The following THAP4 variants were observed in gnomAD, a reference collection of about 807,000 sequenced individuals.
THAP4 encodes peroxynitrite isomerase THAP4.
In THAP4, 18 loss-of-function variants were observed where a neutral mutation model predicts 48.1. The observed-to-expected ratio is 0.37, with a 90% CI of 0.26 to 0.56. THAP4 has a LOEUF of 0.56. Ranked by LOEUF, THAP4 falls within the 20% of genes least tolerant of loss-of-function variation. The pLI is 0.78. For missense variants in THAP4, 656 were observed against 774.9 expected, an observed-to-expected ratio of 0.85 and a Z score of 1.82; for synonymous variants, 345 against 324.9, an observed-to-expected ratio of 1.06 and a Z score of -0.66.
chr2:241,636,525 T>C (rs1475287276), intron 1 of THAP4, among the ~76,000 whole-genome samples: 2 of 152,064 alleles, frequency 1.3e-5, no homozygotes, highest in Non-Finnish European at 2.9e-5. Flanking sequence ...CGGAAAGCCC[T>C]CTCGGGGGCT....
chr2:241,592,228 G>C (rs2066990915), intron 5 of THAP4: 1 of 152,454 alleles, frequency 6.6e-6, no homozygotes, highest in Non-Finnish European at 1.5e-5. Flanking sequence ...AATGGGGCCT[G>C]GCCTGGACCT....
In THAP4 at chr2:241,610,429, C is replaced by T. The variant is rs762217693; in HGVS notation, c.1241-3956G>A. On this transcript the variant is annotated intron_variant, in intron 2 of 5. Transcript: ENST00000407315. The surrounding 1 kb of genome is among the most constrained non-coding windows in gnomAD (Gnocchi z 4.2). ...CAGAGGAGTCAGGGCGGAGGCTGGG[C>T]GGCGCTGGGCGGTGGGGCGCGCTCA... is the stretch of plus-strand genomic sequence containing the variant. 6.6e-5 allele frequency among the ~76,000 whole-genome samples: 10 copies of T among 152,184 alleles called. No individual in the cohort carries two copies. The highest frequency in any genetic ancestry group is 1.3e-4 in the Non-Finnish European group (9 of 68,020).
At chr2:241,602,153 G>A (rs1405352436) in intron 4 of THAP4, 154 bp from the exon 5 acceptor site, 1 of 704,480 alleles carries the variant, frequency 1.4e-6, no homozygotes, top group East Asian at 2.7e-5. Flanking sequence ...ACTTCACCCT[G>A]TGGATACGGA....
chr2:241,623,392 C>A (rs1188761938), intron 2 of THAP4, among the ~76,000 whole-genome samples: 1 of 151,964 alleles, frequency 6.6e-6, no homozygotes, highest in African/African-American at 2.4e-5. Flanking sequence ...CCAGCTTGGG[C>A]AACATGGCAA....
At chr2:241,595,772 G>A (rs62193003) in intron 5 of THAP4, among the ~76,000 whole-genome samples, 22,885 of 152,162 alleles carry the variant, frequency 0.15, 1,893 homozygotes, top group Middle Eastern at 0.27. Context: ...AGGCAACTGT[G>A]CCTCCCTCTA....
intron 2 of THAP4, among the ~76,000 whole-genome samples, chr2:241,613,274 CAAA>C (rs772453190): frequency 3.6e-5 from 3 of 83,168 alleles, no homozygotes; most frequent in Non-Finnish European, 5.1e-5. Flanking sequence ...TGTACTAAGC[CAAA>C]AAAAAAAAAA....
chr2:241,617,517 G>T, intron 2 of THAP4: 1 of 1,514,832 alleles, frequency 6.6e-7, no homozygotes, highest in South Asian at 1.2e-5. Context: ...GGCTCTGCAG[G>T]AAGTGAATGC....
At position 241,601,523 on chromosome 2, in the gene THAP4, T is replaced by C. The variant is rs1352508102; in HGVS notation, c.1614+373A>G. On this transcript the variant is annotated intron_variant, in intron 5 of 5. Coordinates refer to ENST00000407315, the MANE Select transcript of THAP4 (RefSeq NM_015963.6). This position sits in a 1 kb window ranked among gnomAD's most constrained non-coding sequence, Gnocchi z 4.0. ...GCAAGAGATAGTGGGAGGATAATCATGAAGAAATACAATCTAACAGTGTGT... is the reference window on the plus strand; with the variant it reads ...GCAAGAGATAGTGGGAGGATAATCACGAAGAAATACAATCTAACAGTGTGT... Among the ~76,000 whole-genome samples, 1 of 152,098 alleles carries C rather than the reference T, an allele frequency of 6.6e-6. No homozygotes were observed. Among genetic ancestry groups the C allele is most frequent in the Non-Finnish European group, 1.5e-5 (1 of 68,016 alleles).
At chr2:241,600,263 T>C (rs917611073) in intron 5 of THAP4, among the ~76,000 whole-genome samples, 1 of 152,204 alleles carries the variant, frequency 6.6e-6, no homozygotes, top group African/African-American at 2.4e-5. Flanking sequence ...AATGTATGTA[T>C]GACATTCCAA....
intron 2 of THAP4, among the ~76,000 whole-genome samples, chr2:241,608,765 T>C (rs972032946): frequency 3.9e-5 from 6 of 152,084 alleles, no homozygotes; most frequent in Non-Finnish European, 7.4e-5. Context: ...TGAATGTACA[T>C]TAGGAGATGA....
intron 2 of THAP4, among the ~76,000 whole-genome samples, chr2:241,611,010 A>T (rs1437162978): frequency 6.6e-6 from 1 of 152,232 alleles, no homozygotes; most frequent in Non-Finnish European, 1.5e-5. Flanking sequence ...GAATTAAAAA[A>T]AACAAAAATA....
intron 1 of THAP4, among the ~76,000 whole-genome samples, chr2:241,635,128 C>G (rs892660696): frequency 1.3e-5 from 2 of 152,122 alleles, no homozygotes; most frequent in East Asian, 3.8e-4. Flanking sequence ...ACTGAAAAAG[C>G]GGTAGGAAAG....
intron 5 of THAP4, among the ~76,000 whole-genome samples, chr2:241,589,353 G>A (rs1033085988): frequency 6.7e-6 from 1 of 149,212 alleles, no homozygotes; most frequent in African/African-American, 2.5e-5. Context: ...ACCTGATAAA[G>A]GACTTATACC....
chr2:241,637,324 T>C, upstream of THAP4: 1 of 1,248,166 alleles, frequency 8.0e-7, no homozygotes, highest in South Asian at 1.4e-5. Context: ...GCGGGGCAAG[T>C]CCGTACCGCG....
Position 241,635,269 on chromosome 2 carries a change from A to C in THAP4, c.78-1190T>G, listed in dbSNP as rs1335871529. On this transcript the variant is annotated intron_variant, in intron 1 of 5. Transcript: ENST00000407315. ...CATTGCACTCCAGCCTGGGTGACAG[A>C]GTGGGACTCTGTCTCCAAAAAAAGT... is the stretch of plus-strand genomic sequence containing the variant. Among the ~76,000 whole-genome samples the C allele has an allele frequency of 2.0e-5, 3 of 152,158 alleles. No individual in the cohort carries two copies. The East Asian group carries it at 5.8e-4, about 29-fold the overall frequency.
In THAP4 at chr2:241,586,152, G is replaced by A. The variant is rs187210989; in HGVS notation, c.1615-1427C>T. 4.8e-4 allele frequency among the ~76,000 whole-genome samples: 72 copies of A among 150,672 alleles called. 1 individual carries two copies. Among genetic ancestry groups the A allele is most frequent in the African/African-American group, 1.6e-3 (67 of 41,036 alleles). ...GGTGCCTGTAGTCCCAGCTACTCAG[G>A]AGGCTGAGGCAGGAGAATGGCGTGA... On this transcript the variant is annotated intron_variant, in intron 5 of 5. Transcript: ENST00000407315.
In THAP4 at chr2:241,585,015, G is replaced by A. The variant is rs897820133; in HGVS notation, c.1615-290C>T. On this transcript the variant is annotated intron_variant, in intron 5 of 5. Coordinates refer to ENST00000407315, the MANE Select transcript of THAP4 (RefSeq NM_015963.6). ...ACGCACCTGATCTCGTCTGACCTCG[G>A]AAGCTAAGGAGGGTCGGGCCTGGTT... 4 of 361,992 alleles carry A rather than the reference G, an allele frequency of 1.1e-5. No individual in the cohort carries two copies. The Admixed American group carries it at 1.7e-4, about 15-fold the overall frequency. 22.4% of individuals were successfully genotyped at this position (361,992 alleles called of 1,614,324 possible).
intron 2 of THAP4, among the ~76,000 whole-genome samples, chr2:241,613,487 C>T (rs928249816): frequency 6.6e-6 from 1 of 152,172 alleles, no homozygotes; most frequent in Admixed American, 6.5e-5. Context: ...GTTGCAGTGG[C>T]TCATATCTGT....
intron 2 of THAP4, among the ~76,000 whole-genome samples, chr2:241,625,592 C>T (rs1274692219): frequency 1.3e-5 from 2 of 150,642 alleles, no homozygotes; most frequent in African/African-American, 4.9e-5. Flanking sequence ...GTCAGGAGAT[C>T]GAGACCATCC....
Sources: gnomAD v4.1 joint callset for allele counts (sites outside exome capture counted in the v4.1 genomes callset) on GRCh38, gnomAD v4.1.1 for gene constraint, Gnocchi (gnomAD v3.1) non-coding constraint, MANE v1.5 for transcripts, NCBI Gene and HGNC (gene_info 2026-07-23, HGNC 2026-07-21) for gene names.